Variants in SPATA7 observed in about 807,000 individuals in gnomAD.
SPATA7 encodes spermatogenesis associated 7.
SPATA7 carries 43 observed loss-of-function variants against 51.8 expected under a neutral mutation model. The ratio of observed to expected loss-of-function variants is 0.83; its 90% confidence interval spans 0.65 to 1.07. SPATA7 has a LOEUF of 1.07. SPATA7 is among the 50% of genes least tolerant of loss of function. SPATA7 has a pLI of 0.00. For synonymous variants in SPATA7, 230 were observed against 252.8 expected, an observed-to-expected ratio of 0.91 and a Z score of 0.86; for missense variants, 683 against 701.3, an observed-to-expected ratio of 0.97 and a Z score of 0.30.
chr14:88,415,669 T>TTG (rs2076456844), intron 4 of SPATA7, among the ~76,000 whole-genome samples: 1 of 152,158 alleles, frequency 6.6e-6, no homozygotes, highest in Admixed American at 6.5e-5. Context: ...GTAGTCTTGA[T>TTG]TGCGTATTTG....
intron 5 of SPATA7, among the ~76,000 whole-genome samples, chr14:88,417,222 G>A (rs758884315): frequency 6.6e-5 from 10 of 151,252 alleles, no homozygotes; most frequent in African/African-American, 2.4e-4. Flanking sequence ...TCTCCTGAAT[G>A]GATATTAATT....
intron 4 of SPATA7, chr14:88,414,550 T>C (rs1566767757): frequency 7.7e-6 from 2 of 258,672 alleles, no homozygotes; most frequent in Non-Finnish European, 1.5e-5. Flanking sequence ...GAATCTCAAT[T>C]TCAATTATTT....
chr14:88,451,315 G>A (rs1566795574), intron 3 of SPATA7, among the ~76,000 whole-genome samples: 1 of 151,858 alleles, frequency 6.6e-6, no homozygotes, highest in Non-Finnish European at 1.5e-5. Context: ...GATTACAGGC[G>A]TCTGCCACCA....
rs28409677 is a variant in SPATA7 at position 88,429,566 on chromosome 14, C to T, written c.1028+103C>T. On this transcript the variant is annotated intron_variant, in intron 8 of 11. Coordinates refer to ENST00000393545, the MANE Select transcript of SPATA7 (RefSeq NM_018418.5). ...ATAAGTACTATTTAATTGCATGCTC[C>T]AATCTATTTTGGTGTTATGTAATTC... The T allele has an allele frequency of 0.016, 11,025 of 706,186 alleles. 743 individuals are homozygous for T. In the African/African-American group the frequency reaches 0.16, roughly 10 times the overall value. 43.7% of individuals were successfully genotyped at this position (706,186 alleles called of 1,614,324 possible).
Position 88,435,996 on chromosome 14 carries a change from A to G in SPATA7, c.1161-1547A>G, listed in dbSNP as rs75517467. Among the ~76,000 whole-genome samples the G allele has an allele frequency of 7.5e-3, 1,135 of 152,238 alleles. 7 individuals carry two copies. Among genetic ancestry groups the G allele is most frequent in the Non-Finnish European group, 0.012 (812 of 67,992 alleles). The stretch of plus-strand genomic sequence containing the variant: ...TTGAGGGACCTCCAAACTGTTCTCC[A>G]TAGTGGTTGAACTAATAGTTTACAT... On this transcript the variant is annotated intron_variant, in intron 10 of 11. Coordinates refer to ENST00000393545, the MANE Select transcript of SPATA7 (RefSeq NM_018418.5).
intron 2 of SPATA7, among the ~76,000 whole-genome samples, chr14:88,393,045 C>T (rs533149807): frequency 6.6e-6 from 1 of 151,918 alleles, no homozygotes; most frequent in South Asian, 2.1e-4. Context: ...TAAGTATTAA[C>T]AATGGTAACT....
At chr14:88,387,841 G>T (rs1172437494) in intron 1 of SPATA7, among the ~76,000 whole-genome samples, 3 of 152,130 alleles carry the variant, frequency 2.0e-5, no homozygotes, top group Non-Finnish European at 2.9e-5. Context: ...GTGAAGAAAA[G>T]ATTGAGAATA....
chr14:88,386,531 AG>A (rs1345026671), intron 1 of SPATA7, among the ~76,000 whole-genome samples: 6 of 152,166 alleles, frequency 3.9e-5, no homozygotes, highest in African/African-American at 1.4e-4. Flanking sequence ...CAGTTTTAGC[AG>A]CAATCCGTAC....
chr14:88,462,791 TAAG>T (rs1185741078), intron 4 of SPATA7, among the ~76,000 whole-genome samples: 1 of 152,192 alleles, frequency 6.6e-6, no homozygotes, highest in Non-Finnish European at 1.5e-5. Context: ...ATCTAGTTAA[TAAG>T]TAATTTTCAG....
At chr14:88,457,565 C>T (rs1441694349), downstream of SPATA7, among the ~76,000 whole-genome samples, 2 of 152,164 alleles carry the variant, frequency 1.3e-5, no homozygotes, top group Admixed American at 1.3e-4. Context: ...TGATTTTTTG[C>T]ACATTGATTT....
downstream of SPATA7, among the ~76,000 whole-genome samples, chr14:88,441,477 T>C (rs1344298362): frequency 6.6e-6 from 1 of 152,188 alleles, no homozygotes; most frequent in Non-Finnish European, 1.5e-5. Context: ...AGTGTAAAAG[T>C]GTTCCCTGTT....
intron 3 of SPATA7, among the ~76,000 whole-genome samples, chr14:88,452,188 C>A (rs901646375): frequency 3.3e-5 from 5 of 152,124 alleles, no homozygotes; most frequent in Non-Finnish European, 5.9e-5. Context: ...ATTGTTATTT[C>A]TCTTCTGGAT....
chr14:88,443,919 T>C (rs543142099), intron 3 of SPATA7, among the ~76,000 whole-genome samples: 3,915 of 152,150 alleles, frequency 0.026, 172 homozygotes, highest in African/African-American at 0.089. Context: ...GTCTTTGCTA[T>C]TGTGAATAAT....
chr14:88,394,627 T>C (rs2075832856), intron 3 of SPATA7, among the ~76,000 whole-genome samples: 1 of 152,230 alleles, frequency 6.6e-6, no homozygotes, highest in Admixed American at 6.5e-5. Flanking sequence ...CATTCACATA[T>C]AATTTTGGCG....
chr14:88,426,752 A>G, intron 6 of SPATA7, 48 bp downstream of exon 6: 1 of 1,485,730 alleles, frequency 6.7e-7, no homozygotes, highest in Non-Finnish European at 9.3e-7. Flanking sequence ...AAATTAAATG[A>G]AAATTAATGA....
chr14:88,394,800 A>T (rs945395962), intron 3 of SPATA7, among the ~76,000 whole-genome samples: 1 of 152,160 alleles, frequency 6.6e-6, no homozygotes, highest in African/African-American at 2.4e-5. Context: ...CTTGGCGTTG[A>T]CAGTCCTTTT....
At position 88,438,249 on chromosome 14, in the gene SPATA7, G is replaced by A. The variant is rs755789014; in HGVS notation, c.1627G>A (p.Gly543Ser). The change falls in exon 12 of 12, where the codon GGT becomes AGT. Residue 543 changes from glycine (G) to serine (S), a missense_variant. Coordinates refer to ENST00000393545, the MANE Select transcript of SPATA7 (RefSeq NM_018418.5). ...DRETSVNVIE[G>S]DSDPEKVEIS... is the part of the protein sequence containing the mutation. ...GGAAACTTCTGTGAATGTCATTGAAGGTGATAGTGACCCTGAAAAGGTTGA... is the reference window on the plus strand; with the variant it reads ...GGAAACTTCTGTGAATGTCATTGAAAGTGATAGTGACCCTGAAAAGGTTGA... 9 of 1,614,078 alleles carry A rather than the reference G, an allele frequency of 5.6e-6. No homozygotes were observed. In the African/African-American group the frequency reaches 1.2e-4, roughly 22 times the overall value.
At chr14:88,463,516 A>T (rs1420504721) in intron 4 of SPATA7, among the ~76,000 whole-genome samples, 1 of 152,074 alleles carries the variant, frequency 6.6e-6, no homozygotes, top group Non-Finnish European at 1.5e-5. Context: ...GTTGCCCTAT[A>T]ATTTCTTGGA....
At position 88,437,579 on chromosome 14, in the gene SPATA7, A is replaced by G. The variant is rs200765820; in HGVS notation, c.1197A>G (p.Gln399=). ...GACTGTTCGAGCGACATATAAAACAAAATAAACATTTGGAGGAGGTTTGTC... is the reference window on the plus strand; with the variant it reads ...GACTGTTCGAGCGACATATAAAACAGAATAAACATTTGGAGGAGGTTTGTC... ...LERLFERHIK[Q]NKHLEEEKMR... The change falls in exon 11 of 12, where the codon CAA becomes CAG. Residue 399 remains glutamine, a synonymous_variant. Transcript: ENST00000393545. 6.2e-7 allele frequency: 1 copy of G among 1,610,554 alleles called. No individual in the cohort carries two copies. Among genetic ancestry groups the G allele is most frequent in the East Asian group, 2.2e-5 (1 of 44,806 alleles).
Sources: gnomAD v4.1 joint callset for allele counts (sites outside exome capture counted in the v4.1 genomes callset) on GRCh38, gnomAD v4.1.1 for gene constraint, MANE v1.5 for transcripts, NCBI Gene and HGNC (gene_info 2026-07-23, HGNC 2026-07-21) for gene names.